The following UBR2 variants were observed in gnomAD, a reference collection of about 807,000 sequenced individuals.
UBR2 encodes ubiquitin protein ligase E3 component n-recognin 2.
In UBR2, 92 loss-of-function variants were observed where a neutral mutation model predicts 247.9. That is an observed-to-expected ratio of 0.37 (90% CI 0.31 to 0.44). The LOEUF (loss-of-function observed/expected upper bound fraction) is 0.44, where lower values mean the gene tolerates loss of function less well. Among genes scored for constraint, UBR2 ranks in the 20% least tolerant of loss-of-function variants. UBR2 has a pLI of 1.00. For missense variants in UBR2, 1,613 were observed against 2,112.6 expected (o/e 0.76, Z 4.64); for synonymous variants, 672 against 693.5 (o/e 0.97, Z 0.49).
chr6:42,687,394 G>A (rs2151997141), intron 44 of UBR2, among the ~76,000 whole-genome samples: 1 of 152,352 alleles, frequency 6.6e-6, no homozygotes, highest in South Asian at 2.1e-4. Flanking sequence ...TGAGACAGGA[G>A]AATCAGGCAG....
At chr6:42,569,101 T>G (rs755282110) in intron 1 of UBR2, among the ~76,000 whole-genome samples, 1 of 152,268 alleles carries the variant, frequency 6.6e-6, no homozygotes, top group Admixed American at 6.5e-5. Flanking sequence ...TTCTACTTTT[T>G]GGGTATTATG....
At position 42,632,644 on chromosome 6, in the gene UBR2, T is replaced by A; in HGVS notation, c.1374T>A (p.Phe458Leu). 1.2e-6 allele frequency: 2 copies of A among 1,613,808 alleles called. No homozygotes were observed. Among genetic ancestry groups the A allele is most frequent in the Non-Finnish European group, 8.5e-7 (1 of 1,179,872 alleles). ...HLRHRDAQGR[F>L]QFERYTALQA... The stretch of plus-strand genomic sequence containing the variant: ...GACATCGAGATGCCCAGGGCAGATT[T>A]CAGTTTGAACGATACACTGCTTTAC... Residue 458 changes from phenylalanine to leucine, a missense_variant, in exon 12 of 47, where the codon TTT becomes TTA. Coordinates refer to ENST00000372901, the MANE Select transcript of UBR2 (RefSeq NM_001363705.2).
At chr6:42,652,264 T>C (rs1443064141) in intron 24 of UBR2, among the ~76,000 whole-genome samples, 193 bp downstream of exon 24, 4 of 152,228 alleles carry the variant, frequency 2.6e-5, no homozygotes, top group South Asian at 2.1e-4. Flanking sequence ...TCTGGGTTGA[T>C]GTTATCTCAG....
Position 42,641,633 on chromosome 6 carries a change from C to A in UBR2, c.1972C>A (p.Leu658Met). ...LIEHPLRCLV[L>M]CAQVHAGMWR... ...AGAACACCCTCTTAGATGTCTTGTT[C>A]TGTGTGCCCAAGTACATGCCGGAAT... The change falls in exon 17 of 47, where the codon CTG (leucine) becomes ATG (methionine). Residue 658 changes from leucine (L) to methionine (M), a missense_variant. Coordinates refer to ENST00000372901, the MANE Select transcript of UBR2 (RefSeq NM_001363705.2). The A allele has an allele frequency of 6.2e-7, 1 of 1,607,672 alleles. No individual in the cohort carries two copies. The highest frequency in any genetic ancestry group is 8.5e-7 in the Non-Finnish European group (1 of 1,177,840).
intron 37 of UBR2, 78 bp from the exon 38 acceptor site, chr6:42,674,048 T>G (rs770824172): frequency 2.4e-5 from 35 of 1,472,470 alleles, no homozygotes; most frequent in Non-Finnish European, 3.2e-5. Context: ...TGCAAGAAGA[T>G]AAATTTAAAG....
At position 42,654,031 on chromosome 6, in the gene UBR2, T is replaced by TCC. The variant is rs1419060638; in HGVS notation, c.2769+1386_2769+1387insCC. Among the ~76,000 whole-genome samples the TCC allele has an allele frequency of 9.2e-5, 14 of 152,272 alleles. No individual in the cohort carries two copies. The Middle Eastern group carries it at 0.017, about 185-fold the overall frequency. The stretch of plus-strand genomic sequence containing the variant: ...CTCAGAGGCGTTCCCTTAGGGTATA[T>TCC]ATTAATAGCTTGAAAGCAGTAAAAC... On this transcript the variant is annotated intron_variant, in intron 25 of 46. Coordinates refer to ENST00000372901, the MANE Select transcript of UBR2 (RefSeq NM_001363705.2).
At chr6:42,566,730 T>TC (rs960773886) in intron 1 of UBR2, among the ~76,000 whole-genome samples, 3 of 151,710 alleles carry the variant, frequency 2.0e-5, no homozygotes, top group Non-Finnish European at 4.4e-5. Flanking sequence ...AATAAGTTTT[T>TC]TTTTTTCTTT....
In UBR2 at chr6:42,605,830, A is replaced by G; in HGVS notation, c.772A>G (p.Ile258Val). The stretch of plus-strand genomic sequence containing the variant: ...TGTTAACTGTACACAAAAAGAAGCT[A>G]TTGGTTTTGCAACTACAGTAGATCG... ...KAVNCTQKEA[I>V]GFATTVDRDG... is the part of the protein sequence containing the mutation. The change falls in exon 6 of 47, where the codon ATT (isoleucine) becomes GTT (valine). Residue 258 changes from isoleucine (I) to valine (V), a missense_variant. Ile to Val is a conservative substitution (Grantham distance 29). Transcript: ENST00000372901. 1.9e-6 allele frequency: 3 copies of G among 1,611,226 alleles called. No homozygotes were observed. Among genetic ancestry groups the G allele is most frequent in the Non-Finnish European group, 2.5e-6 (3 of 1,179,166 alleles).
chr6:42,615,178 GGTGAATCTCTTAACTACTTTTAAGGT>G lies in UBR2; in HGVS notation c.1093+3_1093+28del, dbSNP rs747935273. ...GCTTAGTGATTCCAAATTATGGAAAGGTGAATCTCTTAACTACTTTTAAGGTGTAGAGGAACCTATATAAGTAATTG... is the reference window on the plus strand; with the variant it reads ...GCTTAGTGATTCCAAATTATGGAAAGGTAGAGGAACCTATATAAGTAATTG... On this transcript the variant is annotated splice_donor_variant and splice_donor_5th_base_variant and intron_variant, in intron 9 of 46. Transcript: ENST00000372901. LOFTEE classifies it high-confidence loss of function. The G allele has an allele frequency of 1.7e-5, 28 of 1,608,274 alleles. No individual in the cohort carries two copies. The highest frequency in any genetic ancestry group is 2.4e-5 in the Non-Finnish European group (28 of 1,177,134).
chr6:42,663,487 C>A, intron 32 of UBR2, 68 bp downstream of exon 32: 1 of 1,472,414 alleles, frequency 6.8e-7, no homozygotes. Flanking sequence ...AATAATAAAT[C>A]AAGGAGGAAA....
chr6:42,666,760 C>T (rs550562202), intron 34 of UBR2, among the ~76,000 whole-genome samples: 1 of 152,224 alleles, frequency 6.6e-6, no homozygotes, highest in Admixed American at 6.5e-5. Flanking sequence ...CTCTTAGTAA[C>T]CCAGGATTAA....
Position 42,658,755 on chromosome 6 carries a change from A to T in UBR2, c.3173A>T (p.Asp1058Val). 1.9e-6 allele frequency: 3 copies of T among 1,613,078 alleles called. No individual in the cohort carries two copies. Among genetic ancestry groups the T allele is most frequent in the Non-Finnish European group, 2.5e-6 (3 of 1,179,738 alleles). Residue 1058 changes from aspartate to valine, a missense_variant, in exon 29 of 47, where the codon GAT (aspartate) becomes GTT (valine). Coordinates refer to ENST00000372901, the MANE Select transcript of UBR2 (RefSeq NM_001363705.2). Reference protein sequence around the residue: ...QMSEMQRHFIDENKELFQQTL... With the variant: ...QMSEMQRHFIVENKELFQQTL... ...TCTGAAATGCAGCGGCATTTTATTG[A>T]TGAAAACAAAGAACTCTTTCAGCAG...
intron 2 of UBR2, among the ~76,000 whole-genome samples, chr6:42,591,859 T>C (rs914738792): frequency 3.3e-5 from 5 of 152,220 alleles, no homozygotes; most frequent in African/African-American, 1.2e-4. Context: ...TAATGTGTAA[T>C]GTGATTTCCA....
chr6:42,648,663 T>C (rs529646930), intron 22 of UBR2, among the ~76,000 whole-genome samples: 1 of 152,210 alleles, frequency 6.6e-6, no homozygotes, highest in South Asian at 2.1e-4. Flanking sequence ...ATGTATTCAT[T>C]TTTTTTAACC....
At chr6:42,654,711 G>A (rs893563724) in intron 25 of UBR2, among the ~76,000 whole-genome samples, 1 of 152,148 alleles carries the variant, frequency 6.6e-6, no homozygotes, top group Admixed American at 6.5e-5. Context: ...AACAGAGGGA[G>A]ACTCCGTCTC....
At chr6:42,644,154 A>G (rs938494270) in intron 18 of UBR2, 60 bp from the exon 19 acceptor site, 65 of 1,539,528 alleles carry the variant, frequency 4.2e-5, no homozygotes, top group South Asian at 6.1e-5. Flanking sequence ...AATTGTTTCA[A>G]TAGTGGCCCC....
rs796558590 is a variant in UBR2, at chr6:42,617,640, T to G, written c.1281+133T>G. 11 of 773,152 alleles carry G rather than the reference T, an allele frequency of 1.4e-5. No individual in the cohort carries two copies. The African/African-American group carries it at 1.8e-4, about 12-fold the overall frequency. The allele number at this position is 773,152 out of a possible 1,614,324, so 47.9% of individuals were successfully genotyped here. A position where few individuals can be genotyped will look rare whatever the true frequency, so the allele number is the denominator to read the frequency against. ...ATGGGTAATCAGACTTCAAACACCT[T>G]CACTATTCTTTTACTAGAATATAAC... On this transcript the variant is annotated intron_variant, in intron 11 of 46. Transcript: ENST00000372901.
chr6:42,629,662 A>T (rs1035392062), intron 11 of UBR2, among the ~76,000 whole-genome samples: 6 of 152,134 alleles, frequency 3.9e-5, no homozygotes, highest in Non-Finnish European at 8.8e-5. Context: ...GTCTCAAAAA[A>T]ATATATATAA....
rs72861130 is a variant in UBR2, at chr6:42,569,418, C to T, written c.79-4316C>T. On this transcript the variant is annotated intron_variant, in intron 1 of 46. Transcript: ENST00000372901. ...ATTTCCCTCATGAGTCATGTTGGAA[C>T]ATCTTTTTATGAGCTTATTGGCCAT... is the stretch of plus-strand genomic sequence containing the variant. 5.8e-3 allele frequency among the ~76,000 whole-genome samples: 884 copies of T among 152,286 alleles called. 3 individuals carry two copies. The highest frequency in any genetic ancestry group is 0.01 in the Non-Finnish European group (691 of 68,016).
Sources: allele counts gnomAD v4.1 joint callset (sites outside exome capture counted in the v4.1 genomes callset), GRCh38; gene constraint gnomAD v4.1.1; transcripts MANE v1.5; gene names NCBI Gene and HGNC (gene_info 2026-07-23, HGNC 2026-07-21).